The following NLRC3 variants were observed in gnomAD, a reference collection of about 807,000 sequenced individuals.
The protein encoded by NLRC3 is NLR family CARD domain containing 3, also known as NLR family CARD domain-containing protein 3.
A neutral mutation model predicts 91.6 loss-of-function variants in NLRC3; 87 were observed. The ratio of observed to expected loss-of-function variants is 0.95; its 90% confidence interval spans 0.80 to 1.14. The LOEUF (loss-of-function observed/expected upper bound fraction) is 1.14, where lower values mean the gene tolerates loss of function less well. Ranked by LOEUF, NLRC3 falls within the 50% of genes most tolerant of loss-of-function variation. The pLI is 0.00. For synonymous variants in NLRC3, 694 were observed against 625.3 expected (o/e 1.11, Z -1.64); for missense variants, 1,577 against 1,418.6 (o/e 1.11, Z -1.79).
chr16:3,563,516 G>A lies in NLRC3; in HGVS notation c.1421C>T (p.Ala474Val), dbSNP rs375074449. The change falls in exon 5 of 20, where the codon GCC becomes GTC. Residue 474 changes from alanine to valine, a missense_variant. Physicochemically the swap from Ala to Val is moderately conservative, Grantham distance 64. Coordinates refer to ENST00000359128, the MANE Select transcript of NLRC3 (RefSeq NM_178844.4). ...AAYYYGASRRAIFDLFTESGV... is the reference protein window; with the variant it reads ...AAYYYGASRRVIFDLFTESGV... ...GCTCTCAGTGAAGAGGTCGAAGATG[G>A]CCCTCCTGGATGCGCCATAGTAATA... 1 of 1,603,924 alleles carries A rather than the reference G, an allele frequency of 6.2e-7. No homozygotes were observed. The highest frequency in any genetic ancestry group is 1.1e-5 in the South Asian group (1 of 89,406).
At chr16:3,541,940 G>GAGCCCTGC in intron 19 of NLRC3, 25 bp from the exon 20 acceptor site, 2 of 1,394,352 alleles carry the variant, frequency 1.4e-6, no homozygotes, top group Non-Finnish European at 2.0e-6. Flanking sequence ...TTAAGGCAGG[G>GAGCCCTGC]CTCAAAGCCT....
intron 1 of NLRC3, among the ~76,000 whole-genome samples, chr16:3,575,285 C>T (rs958772862): frequency 1.4e-4 from 22 of 152,170 alleles, no homozygotes; most frequent in African/African-American, 5.1e-4. Flanking sequence ...TGGCTGCCAC[C>T]GCTGCCAGGC....
At chr16:3,577,084 T>A (rs1323746764) in intron 1 of NLRC3, 65 bp downstream of exon 1, 1 of 702,814 alleles carries the variant, frequency 1.4e-6, no homozygotes, top group Non-Finnish European at 2.6e-6. Flanking sequence ...AAGGCCACTG[T>A]CCTTCCTGCC....
intron 15 of NLRC3, among the ~76,000 whole-genome samples, chr16:3,547,493 A>C (rs969135976): frequency 1.3e-5 from 2 of 152,178 alleles, no homozygotes; most frequent in East Asian, 3.8e-4. Flanking sequence ...CACCGAATAC[A>C]CTAGAAACCA....
At chr16:3,561,828 C>T (rs1197280129) in intron 5 of NLRC3, 40 bp from the exon 6 acceptor site, 3 of 1,510,704 alleles carry the variant, frequency 2.0e-6, no homozygotes, top group East Asian at 4.5e-5. Flanking sequence ...TCCCACCCGC[C>T]CACGGGCAGG....
rs762033919 is a variant in NLRC3, at chr16:3,563,134, G to T, written c.1803C>A (p.Arg601=). 2 of 1,584,726 alleles carry T rather than the reference G, an allele frequency of 1.3e-6. No homozygotes were observed. The highest frequency in any genetic ancestry group is 1.7e-6 in the Non-Finnish European group (2 of 1,166,878). ...ALARLTGPAH[R]AALAYLLQVS... is the part of the protein sequence containing the mutation. The stretch of plus-strand genomic sequence containing the variant: ...CCTGCAGGAGGTAGGCCAGGGCAGC[G>T]CGGTGCGCGGGACCAGTCAGCCTGG... The change falls in exon 5 of 20, where the codon CGC becomes CGA. Residue 601 remains arginine (R), a synonymous_variant. Coordinates refer to ENST00000359128, the MANE Select transcript of NLRC3 (RefSeq NM_178844.4).
rs775462066 is a variant in NLRC3 at position 3,564,829 on chromosome 16, C to T, written c.178+30G>A. On this transcript the variant is annotated intron_variant, in intron 4 of 19. Transcript: ENST00000359128. This position sits in a 1 kb window ranked among gnomAD's most constrained non-coding sequence, Gnocchi z 5.9. ...GCACAATCAGCCCAGGTGTTCCCCA[C>T]CCCGCGTCTGCCTCCCAAGCCGGTC... 1.3e-6 allele frequency: 2 copies of T among 1,584,146 alleles called. No individual in the cohort carries two copies. Among genetic ancestry groups the T allele is most frequent in the Non-Finnish European group, 1.7e-6 (2 of 1,166,212 alleles).
intron 15 of NLRC3, among the ~76,000 whole-genome samples, chr16:3,547,598 A>G (rs1040525043): frequency 3.0e-4 from 46 of 152,198 alleles, no homozygotes; most frequent in African/African-American, 1.1e-3. Flanking sequence ...ATGTACATAT[A>G]TGTATGTGTA....
At chr16:3,565,081 C>T in intron 3 of NLRC3, 21 bp from the exon 4 acceptor site, 2 of 1,571,448 alleles carry the variant, frequency 1.3e-6, no homozygotes, top group Non-Finnish European at 8.7e-7. Flanking sequence ...AGGGCCTGAA[C>T]CTGCTGCCTG....
chr16:3,552,567 A>G (rs2039072108), intron 9 of NLRC3, among the ~76,000 whole-genome samples: 1 of 152,002 alleles, frequency 6.6e-6, no homozygotes, highest in Non-Finnish European at 1.5e-5. Flanking sequence ...CCGAATGGGG[A>G]CCTCCATGGA....
intron 10 of NLRC3, among the ~76,000 whole-genome samples, chr16:3,551,178 C>T (rs2038976982): frequency 2.0e-5 from 3 of 151,362 alleles, no homozygotes; most frequent in Non-Finnish European, 2.9e-5. Flanking sequence ...TCAGCCATGC[C>T]TCCATCCACT....
rs772184817 is a variant in NLRC3, at chr16:3,564,027, C to T, written c.910G>A (p.Glu304Lys). The T allele has an allele frequency of 6.8e-6, 11 of 1,610,786 alleles. No individual in the cohort carries two copies. The highest frequency in any genetic ancestry group is 2.2e-5 in the South Asian group (2 of 91,086). ...IKVCLEQMFP[E>K]DQALLGWMLS... ...ATCCAGCCCAGAAGGGCCTGGTCCT[C>T]GGGGAACATCTGCTCCAAACACACC... The change falls in exon 5 of 20, where the codon GAG (glutamate) becomes AAG (lysine). Residue 304 changes from glutamate to lysine, a missense_variant. By Grantham distance (56) the Glu-to-Lys change is moderately conservative. Transcript: ENST00000359128. This position sits in a 1 kb window ranked among gnomAD's most constrained non-coding sequence, Gnocchi z 5.9.
In NLRC3 at chr16:3,557,672, C is replaced by T. The variant is rs773562283; in HGVS notation, c.2020G>A (p.Ala674Thr). ...CCTTTGTTACTGATCTGGTTCTCCGCCAAGCTGCCCAAGGAAAGGGAGAGG... is the reference window on the plus strand; with the variant it reads ...CCTTTGTTACTGATCTGGTTCTCCGTCAAGCTGCCCAAGGAAAGGGAGAGG... ...KDCRIQKISL[A>T]ENQISNKGAK... is the part of the protein sequence containing the mutation. The change falls in exon 7 of 20, where the codon GCG (alanine) becomes ACG (threonine). Residue 674 changes from alanine to threonine, a missense_variant. Coordinates refer to ENST00000359128, the MANE Select transcript of NLRC3 (RefSeq NM_178844.4). 92 of 1,611,056 alleles carry T rather than the reference C, an allele frequency of 5.7e-5. No homozygotes were observed. The highest frequency in any genetic ancestry group is 7.2e-5 in the Non-Finnish European group (85 of 1,177,672).
intron 9 of NLRC3, among the ~76,000 whole-genome samples, chr16:3,553,518 G>T (rs1373002907): frequency 1.3e-5 from 2 of 152,116 alleles, no homozygotes; most frequent in African/African-American, 2.4e-5. Context: ...ACGGCAAATG[G>T]TGCTGCCTGG....
chr16:3,548,422 A>G (rs2038812075), intron 14 of NLRC3, among the ~76,000 whole-genome samples: 1 of 152,214 alleles, frequency 6.6e-6, no homozygotes, highest in South Asian at 2.1e-4. Flanking sequence ...AATAAGCCAG[A>G]AAAGACACCT....
At position 3,563,310 on chromosome 16, in the gene NLRC3, G is replaced by T; in HGVS notation, c.1627C>A (p.Arg543=). 2 of 1,598,946 alleles carry T rather than the reference G, an allele frequency of 1.3e-6. No homozygotes were observed. Among genetic ancestry groups the T allele is most frequent in the Non-Finnish European group, 1.7e-6 (2 of 1,173,850 alleles). The part of the protein sequence containing the change: ...LLAQGEHQAY[R]TQVAELLQGC... ...TGCAGGAGCTCAGCCACCTGGGTCCGGTAGGCCTGGTGCTCGCCTTGGGCC... is the reference window on the plus strand; with the variant it reads ...TGCAGGAGCTCAGCCACCTGGGTCCTGTAGGCCTGGTGCTCGCCTTGGGCC... The change falls in exon 5 of 20, where the codon CGG becomes AGG. Residue 543 remains arginine, a synonymous_variant. Coordinates refer to ENST00000359128, the MANE Select transcript of NLRC3 (RefSeq NM_178844.4).
chr16:3,548,085 C>G, intron 15 of NLRC3, 50 bp downstream of exon 15: 1 of 1,300,206 alleles, frequency 7.7e-7, no homozygotes, highest in Non-Finnish European at 1.1e-6. Flanking sequence ...TTTCAGATTC[C>G]CCTGTCCTCA....
chr16:3,566,823 A>G (rs1364315554), intron 2 of NLRC3, among the ~76,000 whole-genome samples: 1 of 152,168 alleles, frequency 6.6e-6, no homozygotes, highest in Non-Finnish European at 1.5e-5. Flanking sequence ...CCTGGAAGGT[A>G]GAGGCTGCAA....
At position 3,550,384 on chromosome 16, in the gene NLRC3, G is replaced by A. The variant is rs771108996; in HGVS notation, c.2435+30C>T. 12 of 1,488,620 alleles carry A rather than the reference G, an allele frequency of 8.1e-6. No individual in the cohort carries two copies. In the South Asian group the frequency reaches 1.4e-4, roughly 17 times the overall value. 92.2% of individuals were successfully genotyped at this position (1,488,620 alleles called of 1,614,324 possible). A position where few individuals can be genotyped will look rare whatever the true frequency, so the allele number is the denominator to read the frequency against. On this transcript the variant is annotated intron_variant, in intron 11 of 19. Coordinates refer to ENST00000359128, the MANE Select transcript of NLRC3 (RefSeq NM_178844.4). ...CTATCTACTGGAAAGAGAACCCAGG[G>A]GGAATCGTCACCCTGGCAGGTGGAC...
Sources: gnomAD v4.1 joint callset for allele counts (sites outside exome capture counted in the v4.1 genomes callset) on GRCh38, gnomAD v4.1.1 for gene constraint, Gnocchi (gnomAD v3.1) non-coding constraint, MANE v1.5 for transcripts, NCBI Gene and HGNC (gene_info 2026-07-23, HGNC 2026-07-21) for gene names.